JKAMP: variants seen among roughly 807,000 people sequenced by gnomAD.
JKAMP encodes JNK1/MAPK8-associated membrane protein.
JKAMP carries 20 observed loss-of-function variants against 40.2 expected under a neutral mutation model. The ratio of observed to expected loss-of-function variants is 0.50; its 90% CI spans 0.35 to 0.72. The LOEUF (loss-of-function observed/expected upper bound fraction) is 0.72, where lower values mean the gene tolerates loss of function less well. JKAMP is among the 30% of genes least tolerant of loss of function. JKAMP has a pLI of 0.01. For missense variants in JKAMP, 276 were observed against 373.0 expected (o/e 0.74, Z 2.14); for synonymous variants, 138 against 131.6 (o/e 1.05, Z -0.33).
rs775597997 is a variant in JKAMP at position 59,498,784 on chromosome 14, A to T, written c.516A>T (p.Arg172=). The T allele has an allele frequency of 1.2e-6, 2 of 1,604,420 alleles. No homozygotes were observed. Among genetic ancestry groups the T allele is most frequent in the South Asian group, 2.2e-5 (2 of 90,782 alleles). The stretch of plus-strand genomic sequence containing the variant: ...GCTTGGTATTAATGATGCTGCTCCG[A>T]CCTCTTCTGGTGAAGAAGATTGCAT... ...AFCLVLMMLL[R]PLLVKKIACG... Residue 172 remains arginine, a synonymous_variant, in exon 5 of 7, where the codon CGA becomes CGT. Transcript: ENST00000616435.
intron 5 of JKAMP, 102 bp downstream of exon 5, chr14:59,499,010 T>C: frequency 2.6e-6 from 1 of 391,086 alleles, no homozygotes; most frequent in Non-Finnish European, 4.2e-6. Flanking sequence ...ATAGTTTGTT[T>C]AATCCTTTTT....
chr14:59,497,068 G>T (rs939589072), intron 4 of JKAMP, among the ~76,000 whole-genome samples: 2 of 149,268 alleles, frequency 1.3e-5, no homozygotes, highest in Admixed American at 1.3e-4. Context: ...TGGAACACTA[G>T]TGCATTGACA....
At position 59,504,030 on chromosome 14, in the gene JKAMP, C is replaced by G; in HGVS notation, c.894C>G (p.Thr298=). Residue 298 remains threonine, a synonymous_variant, in exon 7 of 7, where the codon ACC becomes ACG. Transcript: ENST00000616435. Reference sequence around the variant, plus strand: ...TTTACTTGTTCACTGCAAAATTTACCGAACCTTCAAGGATACTCTCAGAAG... The same window carrying G: ...TTTACTTGTTCACTGCAAAATTTACGGAACCTTCAAGGATACTCTCAGAAG... ...ALFYLFTAKF[T]EPSRILSEGA... The G allele has an allele frequency of 6.2e-7, 1 of 1,613,678 alleles. No individual in the cohort carries two copies. The highest frequency in any genetic ancestry group is 8.5e-7 in the Non-Finnish European group (1 of 1,179,734).
In JKAMP at chr14:59,505,185, T is replaced by C; in HGVS notation, c.*1113T>C. 5 of 923,136 alleles carry C rather than the reference T, an allele frequency of 5.4e-6. No homozygotes were observed. Among genetic ancestry groups the C allele is most frequent in the Non-Finnish European group, 6.3e-6 (4 of 635,194 alleles). 57.2% of individuals were successfully genotyped at this position (923,136 alleles called of 1,614,324 possible). ...CTGCAAAATATGAAAGTAAGTGCAC[T>C]CACTTTTCCTGTAGTAGTCTGTCTT... On this transcript the variant is annotated 3_prime_UTR_variant, in exon 7 of 7. Transcript: ENST00000616435.
intron 6 of JKAMP, 50 bp downstream of exon 6, chr14:59,501,317 A>G (rs529008748): frequency 8.5e-7 from 1 of 1,174,802 alleles, no homozygotes; most frequent in East Asian, 2.3e-5. Context: ...AAATTTGACA[A>G]TTCAATATCA....
intron 3 of JKAMP, 107 bp from the exon 4 acceptor site, chr14:59,494,911 T>G: frequency 1.4e-6 from 1 of 718,852 alleles, no homozygotes; most frequent in Non-Finnish European, 2.3e-6. Context: ...AGTTTTTGAC[T>G]TTTCTTATAG....
chr14:59,501,063 G>C, intron 5 of JKAMP, 128 bp from the exon 6 acceptor site: 2 of 620,378 alleles, frequency 3.2e-6, no homozygotes, highest in Non-Finnish European at 5.5e-6. Flanking sequence ...AGAACCTTAG[G>C]TTGTAAGTCT....
intron 4 of JKAMP, among the ~76,000 whole-genome samples, chr14:59,496,884 T>C (rs1299814408): frequency 1.3e-5 from 2 of 152,212 alleles, no homozygotes; most frequent in Non-Finnish European, 2.9e-5. Flanking sequence ...TAGTATCTTA[T>C]AGCATTGGGT....
Position 59,504,637 on chromosome 14 carries a change from A to C in JKAMP, c.*565A>C, listed in dbSNP as rs909811473. Reference sequence around the variant, plus strand: ...TTTATATAACAGGTTTTCTGTTTATAGATTGGTTCAAGATTTGTTTGGATT... The same window carrying C: ...TTTATATAACAGGTTTTCTGTTTATCGATTGGTTCAAGATTTGTTTGGATT... On this transcript the variant is annotated 3_prime_UTR_variant, in exon 7 of 7. Coordinates refer to ENST00000616435, the MANE Select transcript of JKAMP (RefSeq NM_016475.5). The C allele has an allele frequency of 6.5e-6, 1 of 152,732 alleles. No individual in the cohort carries two copies. Among genetic ancestry groups the C allele is most frequent in the Non-Finnish European group, 1.5e-5 (1 of 68,106 alleles). The allele number at this position is 152,732 out of a possible 1,614,324, so 9.5% of individuals were successfully genotyped here. A position where few individuals can be genotyped will look rare whatever the true frequency, so the allele number is the denominator to read the frequency against.
At chr14:59,491,981 T>C (rs1316551460) in intron 3 of JKAMP, among the ~76,000 whole-genome samples, 1 of 152,222 alleles carries the variant, frequency 6.6e-6, no homozygotes, top group Non-Finnish European at 1.5e-5. Context: ...CCTGTAAGAC[T>C]CTTGCTCATT....
intron 3 of JKAMP, among the ~76,000 whole-genome samples, chr14:59,492,883 C>T (rs1273718764): frequency 1.3e-5 from 2 of 150,268 alleles, no homozygotes; most frequent in Non-Finnish European, 3.0e-5. Flanking sequence ...CTGCAAGCTT[C>T]GCCTCCCAGG....
intron 1 of JKAMP, 84 bp downstream of exon 1, chr14:59,484,677 G>C (rs1439535892): frequency 6.7e-7 from 1 of 1,494,936 alleles, no homozygotes; most frequent in Non-Finnish European, 9.1e-7. Context: ...TCGGCTCTTT[G>C]TAGGCGGCCT....
chr14:59,487,539 T>C, intron 2 of JKAMP, 135 bp from the exon 3 acceptor site: 2 of 642,452 alleles, frequency 3.1e-6, no homozygotes, highest in South Asian at 4.8e-5. Flanking sequence ...TTATGCCCTC[T>C]TTTTTATTTC....
chr14:59,495,848 G>A (rs1028511035), intron 4 of JKAMP, among the ~76,000 whole-genome samples: 4 of 151,978 alleles, frequency 2.6e-5, no homozygotes, highest in African/African-American at 9.7e-5. Flanking sequence ...ATGCAAATAG[G>A]TACAAAACAA....
chr14:59,487,938 G>A, intron 3 of JKAMP, 110 bp downstream of exon 3: 3 of 1,020,682 alleles, frequency 2.9e-6, no homozygotes, highest in Non-Finnish European at 4.4e-6. Flanking sequence ...TGGTAAACAT[G>A]TTTTTCTTTA....
chr14:59,489,316 T>G (rs1431117830), intron 3 of JKAMP, among the ~76,000 whole-genome samples: 1 of 152,246 alleles, frequency 6.6e-6, no homozygotes, highest in East Asian at 1.9e-4. Context: ...CTAGATACCC[T>G]AAGTCATCAC....
intron 6 of JKAMP, among the ~76,000 whole-genome samples, chr14:59,501,490 A>G (rs892874864): frequency 4.6e-5 from 7 of 152,196 alleles, no homozygotes; most frequent in Admixed American, 3.3e-4. Context: ...GTCAGGCCCA[A>G]CTATCCAGCA....
intron 3 of JKAMP, among the ~76,000 whole-genome samples, chr14:59,490,828 A>G (rs1044670032): frequency 4.6e-5 from 7 of 152,182 alleles, no homozygotes; most frequent in Non-Finnish European, 8.8e-5. Context: ...ATTGGTGGGA[A>G]GTTCTCAGCC....
At position 59,487,739 on chromosome 14, in the gene JKAMP, A is replaced by C. The variant is rs753917895; in HGVS notation, c.162A>C (p.Glu54Asp). Reference protein sequence around the residue: ...KYCQPCTESPELYDWLYLGFM... With the variant: ...KYCQPCTESPDLYDWLYLGFM... ...GTCAGCCTTGCACAGAATCTCCTGA[A>C]CTTTATGATTGGCTCTATCTTGGAT... is the stretch of plus-strand genomic sequence containing the variant. Residue 54 changes from glutamate to aspartate, a missense_variant, in exon 3 of 7, where the codon GAA becomes GAC. Glu to Asp is a conservative substitution (Grantham distance 45). Transcript: ENST00000616435. 1.2e-5 allele frequency: 19 copies of C among 1,613,264 alleles called. No individual in the cohort carries two copies. The highest frequency in any genetic ancestry group is 1.4e-5 in the Non-Finnish European group (17 of 1,179,446).
Sources: gnomAD v4.1 joint callset for allele counts (sites outside exome capture counted in the v4.1 genomes callset) on GRCh38, gnomAD v4.1.1 for gene constraint, MANE v1.5 for transcripts, NCBI Gene and HGNC (gene_info 2026-07-23, HGNC 2026-07-21) for gene names.